Variants in STT3A observed in about 807,000 individuals in gnomAD.
STT3A encodes dolichyl-diphosphooligosaccharide--protein glycosyltransferase subunit STT3A.
In STT3A, 34 loss-of-function variants were observed where a neutral mutation model predicts 89.2. That is an observed-to-expected ratio of 0.38 (90% CI 0.29 to 0.51). STT3A has a LOEUF of 0.51. Among genes scored for constraint, STT3A ranks in the 20% least tolerant of loss-of-function variants. The pLI is 0.89. For synonymous variants in STT3A, 282 were observed against 310.3 expected (o/e 0.91, Z 0.96); for missense variants, 555 against 889.5 (o/e 0.62, Z 4.78).
intron 10 of STT3A, 96 bp downstream of exon 10, chr11:125,609,685 T>C (rs1228677215): frequency 2.0e-6 from 3 of 1,493,370 alleles, no homozygotes. Context: ...TGTTTTTCTT[T>C]GCCTGTTTAT....
chr11:125,610,524 A>G (rs1334451407), intron 10 of STT3A, among the ~76,000 whole-genome samples: 1 of 151,020 alleles, frequency 6.6e-6, no homozygotes, highest in African/African-American at 2.4e-5. Context: ...TTTGAGATCA[A>G]CCTGGGCAAC....
At chr11:125,611,889 T>C (rs796963557) in intron 11 of STT3A, among the ~76,000 whole-genome samples, 332 of 133,824 alleles carry the variant, frequency 2.5e-3, no homozygotes, top group African/African-American at 8.4e-3. Context: ...TTTTTTTTTT[T>C]TTTTTGAGAC....
chr11:125,602,776 T>TAA (rs1377284025), intron 4 of STT3A, 27 bp from the exon 5 acceptor site: 6 of 1,613,958 alleles, frequency 3.7e-6, no homozygotes, highest in Non-Finnish European at 5.1e-6. Flanking sequence ...TAAGACAACC[T>TAA]AATGGAGTTT....
Position 125,620,904 on chromosome 11 carries a change from G to GTTCTTACAAACTGCA in STT3A, c.*95_*96insTCTTACAAACTGCAT. The stretch of plus-strand genomic sequence containing the variant: ...TTTTTTTTTTTTTAATATGCAGTTT[G>GTTCTTACAAACTGCA]TAAGAACAAAACTGGATGGCATCAG... On this transcript the variant is annotated 3_prime_UTR_variant, in exon 18 of 18. Coordinates refer to ENST00000392708, the MANE Select transcript of STT3A (RefSeq NM_152713.5). The GTTCTTACAAACTGCA allele has an allele frequency of 1.9e-6, 2 of 1,062,852 alleles. No individual in the cohort carries two copies. Among genetic ancestry groups the GTTCTTACAAACTGCA allele is most frequent in the Non-Finnish European group, 2.6e-6 (2 of 765,624 alleles). 65.8% of individuals were successfully genotyped at this position (1,062,852 alleles called of 1,614,324 possible).
chr11:125,615,290 A>G (rs1445269936), intron 15 of STT3A, among the ~76,000 whole-genome samples: 1 of 152,146 alleles, frequency 6.6e-6, no homozygotes, highest in African/African-American at 2.4e-5. Flanking sequence ...ACAGTTCTGA[A>G]GGTTTATAAT....
At position 125,611,421 on chromosome 11, in the gene STT3A, T is replaced by G; in HGVS notation, c.1118-7T>G. On this transcript the variant is annotated splice_polypyrimidine_tract_variant and splice_region_variant and intron_variant, in intron 10 of 17. Transcript: ENST00000392708. ...CAGCTGCTTATTTCTCCTTCCCTCT[T>G]TTGTAGTTGGCCTCTATTACTGCTT... 1 of 1,612,066 alleles carries G rather than the reference T, an allele frequency of 6.2e-7. No homozygotes were observed. Among genetic ancestry groups the G allele is most frequent in the Non-Finnish European group, 8.5e-7 (1 of 1,178,340 alleles).
rs773032355 is a variant in STT3A, at chr11:125,608,178, G to T, written c.850G>T (p.Asp284Tyr). The T allele has an allele frequency of 6.2e-7, 1 of 1,614,164 alleles. No homozygotes were observed. Among genetic ancestry groups the T allele is most frequent in the South Asian group, 1.1e-5 (1 of 91,084 alleles). ...TCTCTGCCAGATCCATGCCTTTGTG[G>T]ATTACCTGCGCAGCAAGTTGAATCC... ...FGLCQIHAFV[D>Y]YLRSKLNPQQ... Residue 284 changes from aspartate (D) to tyrosine (Y), a missense_variant, in exon 9 of 18, where the codon GAT becomes TAT. Transcript: ENST00000392708.
rs1434788075 is a variant in STT3A, at chr11:125,622,536, CTT to C, written c.*1730_*1731del. On this transcript the variant is annotated 3_prime_UTR_variant, in exon 18 of 18. Transcript: ENST00000392708. Reference sequence around the variant, plus strand: ...TACTTTCTAGGCTACATGAAGCTATCTTTTTAAAAAGTGTACTCTTCATTTTC... The same window carrying C: ...TACTTTCTAGGCTACATGAAGCTATCTTTAAAAAGTGTACTCTTCATTTTC... 1 of 152,132 alleles carries C rather than the reference CTT, an allele frequency of 6.6e-6. No individual in the cohort carries two copies. Among genetic ancestry groups the C allele is most frequent in the Non-Finnish European group, 1.5e-5 (1 of 68,016 alleles). 9.4% of individuals were successfully genotyped at this position (152,132 alleles called of 1,614,324 possible).
chr11:125,607,763 TC>T (rs1358123229), intron 8 of STT3A, among the ~76,000 whole-genome samples: 4 of 152,210 alleles, frequency 2.6e-5, no homozygotes, highest in African/African-American at 9.6e-5. Context: ...GTGATTGATT[TC>T]AGTTTGGCAG....
In STT3A at chr11:125,608,298, G is replaced by A; in HGVS notation, c.961+9G>A. On this transcript the variant is annotated intron_variant, in intron 9 of 17. Coordinates refer to ENST00000392708, the MANE Select transcript of STT3A (RefSeq NM_152713.5). Reference sequence around the variant, plus strand: ...TCTCCTCATGCTGACAGGTAGGGAAGGCTCACAGCTTTTTTCCTTTTTTCT... The same window carrying A: ...TCTCCTCATGCTGACAGGTAGGGAAAGCTCACAGCTTTTTTCCTTTTTTCT... 2.5e-6 allele frequency: 4 copies of A among 1,575,970 alleles called. No individual in the cohort carries two copies. The highest frequency in any genetic ancestry group is 3.4e-6 in the Non-Finnish European group (4 of 1,167,556).
chr11:125,592,186 C>T (rs377743644), upstream of STT3A, among the ~76,000 whole-genome samples: 1 of 152,118 alleles, frequency 6.6e-6, no homozygotes, highest in African/African-American at 2.4e-5. Context: ...CCCCGACAAC[C>T]CCTTTAGGCC....
rs974706338 is a variant in STT3A, at chr11:125,612,826, G to A, written c.1365+79G>A. On this transcript the variant is annotated intron_variant, in intron 12 of 17. Coordinates refer to ENST00000392708, the MANE Select transcript of STT3A (RefSeq NM_152713.5). Reference sequence around the variant, plus strand: ...GTGTGTATGTGGGCAGCGGGGGGTGGGAGGAGTAAAGTAGAGCACTGTCCT... The same window carrying A: ...GTGTGTATGTGGGCAGCGGGGGGTGAGAGGAGTAAAGTAGAGCACTGTCCT... The A allele has an allele frequency of 8.3e-6, 13 of 1,560,320 alleles. No homozygotes were observed. The African/African-American group carries it at 1.5e-4, about 18-fold the overall frequency.
chr11:125,614,244 G>A lies in STT3A; in HGVS notation c.1671+41G>A. The A allele has an allele frequency of 6.2e-7, 1 of 1,612,276 alleles. No homozygotes were observed. Among genetic ancestry groups the A allele is most frequent in the Non-Finnish European group, 8.5e-7 (1 of 1,178,348 alleles). On this transcript the variant is annotated intron_variant, in intron 14 of 17. Coordinates refer to ENST00000392708, the MANE Select transcript of STT3A (RefSeq NM_152713.5). The surrounding 1 kb of genome is among the most constrained non-coding windows in gnomAD (Gnocchi z 4.9). ...GATCTTTGAGTGTTTGGTGTACAAG[G>A]TCTAATGGGAAATGTGTCTGCATGA...
At position 125,619,923 on chromosome 11, in the gene STT3A, T is replaced by G. The variant is rs545995234; in HGVS notation, c.1964-88T>G. 4.6e-6 allele frequency: 5 copies of G among 1,096,122 alleles called. No homozygotes were observed. The East Asian group carries it at 7.5e-5, about 16-fold the overall frequency. The allele number at this position is 1,096,122 out of a possible 1,614,324, so 67.9% of individuals were successfully genotyped here. ...TTGCAGGCTGAGGAATAATCATCAATTAGTAGATGGTTTCCTGAATCCATA... is the reference window on the plus strand; with the variant it reads ...TTGCAGGCTGAGGAATAATCATCAAGTAGTAGATGGTTTCCTGAATCCATA... On this transcript the variant is annotated intron_variant, in intron 16 of 17. Transcript: ENST00000392708.
chr11:125,602,885 C>G lies in STT3A; in HGVS notation c.354C>G (p.Phe118Leu). ...TCGACATTCGGAATGTCTGTGTGTT[C>G]CTGGCCCCTCTCTTCTCCTCCTTCA... The part of the protein sequence containing the change: ...ITIDIRNVCV[F>L]LAPLFSSFTT... Residue 118 changes from phenylalanine (F) to leucine (L), a missense_variant, in exon 5 of 18, where the codon TTC becomes TTG. Phe to Leu is a conservative substitution (Grantham distance 22). This residue lies in a region of STT3A where 129 missense variants were observed against 193.2 expected (regional missense o/e 0.67). Transcript: ENST00000392708. 1 of 1,614,146 alleles carries G rather than the reference C, an allele frequency of 6.2e-7. No homozygotes were observed. The highest frequency in any genetic ancestry group is 8.5e-7 in the Non-Finnish European group (1 of 1,180,032).
rs924783838 is a variant in STT3A, at chr11:125,609,585, T to C, written c.1113T>C (p.Phe371=). 3.1e-6 allele frequency: 5 copies of C among 1,610,056 alleles called. No individual in the cohort carries two copies. The Admixed American group carries it at 5.1e-5, about 16-fold the overall frequency. ...YFDLQLLVFM[F]PVGLYYCFSN... The stretch of plus-strand genomic sequence containing the variant: ...ACCTGCAGCTCCTCGTCTTCATGTT[T>C]CCAGGTATGTGGCCTCGTGTTCTGA... Residue 371 remains phenylalanine, a synonymous_variant, in exon 10 of 18, where the codon TTT becomes TTC. Coordinates refer to ENST00000392708, the MANE Select transcript of STT3A (RefSeq NM_152713.5).
In STT3A at chr11:125,619,412, AG is replaced by A. The variant is rs34051727; in HGVS notation, c.1964-598del. 9.1e-3 allele frequency among the ~76,000 whole-genome samples: 1,393 copies of A among 152,286 alleles called. 10 individuals carry two copies. Among genetic ancestry groups the A allele is most frequent in the Non-Finnish European group, 0.016 (1,072 of 68,026 alleles). On this transcript the variant is annotated intron_variant, in intron 16 of 17. Coordinates refer to ENST00000392708, the MANE Select transcript of STT3A (RefSeq NM_152713.5). ...GTACAAATAGGTTATTTAACTGCCTAGTGTCACATAACTAATGGCAGAGTCA... is the reference window on the plus strand; with the variant it reads ...GTACAAATAGGTTATTTAACTGCCTATGTCACATAACTAATGGCAGAGTCA...
rs564929419 is a variant in STT3A at position 125,609,453 on chromosome 11, G to A, written c.981G>A (p.Thr327=). The A allele has an allele frequency of 1.4e-5, 23 of 1,610,402 alleles. No individual in the cohort carries two copies. Among genetic ancestry groups the A allele is most frequent in the East Asian group, 1.3e-4 (6 of 44,800 alleles). ...TGCTAGGAAAAATATCTCCCTGGAC[G>A]GGGCGTTTCTACTCGCTGCTGGATC... ...LMLTGKISPW[T]GRFYSLLDPS... Residue 327 remains threonine (T), a synonymous_variant, in exon 10 of 18, where the codon ACG becomes ACA. Coordinates refer to ENST00000392708, the MANE Select transcript of STT3A (RefSeq NM_152713.5).
chr11:125,608,152 G>A lies in STT3A; in HGVS notation c.824G>A (p.Gly275Asp). Residue 275 changes from glycine to aspartate, a missense_variant, in exon 9 of 18, where the codon GGT (glycine) becomes GAT (aspartate). Physicochemically the swap from Gly to Asp is moderately conservative, Grantham distance 94. Coordinates refer to ENST00000392708, the MANE Select transcript of STT3A (RefSeq NM_152713.5). The part of the protein sequence containing the change: ...SEHMAAFGVF[G>D]LCQIHAFVDY... The stretch of plus-strand genomic sequence containing the variant: ...CACATGGCAGCCTTTGGGGTCTTTG[G>A]TCTCTGCCAGATCCATGCCTTTGTG... 1 of 1,613,712 alleles carries A rather than the reference G, an allele frequency of 6.2e-7. No individual in the cohort carries two copies.
Sources: gnomAD v4.1 joint callset for allele counts (sites outside exome capture counted in the v4.1 genomes callset) on GRCh38, gnomAD v4.1.1 for gene constraint, gnomAD v4.1.1 regional missense constraint, Gnocchi (gnomAD v3.1) non-coding constraint, MANE v1.5 for transcripts, NCBI Gene and HGNC (gene_info 2026-07-23, HGNC 2026-07-21) for gene names.